The following CHD1 variants were observed in gnomAD, a reference collection of about 807,000 sequenced individuals.
CHD1 encodes chromodomain helicase DNA binding protein 1, also known as ATP-dependent chromatin remodeler CHD1.
CHD1 carries 36 observed loss-of-function variants against 224.2 expected under a neutral mutation model. That is an observed-to-expected ratio of 0.16 (90% CI 0.12 to 0.21). The LOEUF is 0.21. Among genes scored for constraint, CHD1 ranks in the 10% least tolerant of loss-of-function variants. CHD1 has a pLI of 1.00. For synonymous variants in CHD1, 668 were observed against 658.3 expected, an observed-to-expected ratio of 1.01 and a Z score of -0.23; for missense variants, 1,378 against 1,994.8, an observed-to-expected ratio of 0.69 and a Z score of 5.89.
intron 2 of CHD1, 98 bp from the exon 3 acceptor site, chr5:98,905,196 A>G (rs1751964208): frequency 1.4e-6 from 2 of 1,379,410 alleles, no homozygotes; most frequent in African/African-American, 1.5e-5. Flanking sequence ...ATTTTACTTC[A>G]TACTTAATAT....
chr5:98,882,292 C>T (rs1317378496), intron 19 of CHD1, among the ~76,000 whole-genome samples, 169 bp from the exon 20 acceptor site: 1 of 151,814 alleles, frequency 6.6e-6, no homozygotes, highest in Non-Finnish European at 1.5e-5. Context: ...AGTTCCTCAA[C>T]TTAAGGGACT....
chr5:98,877,945 G>A (rs544723968), intron 23 of CHD1, among the ~76,000 whole-genome samples: 20 of 152,190 alleles, frequency 1.3e-4, no homozygotes, highest in South Asian at 1.2e-3. Context: ...GAAATCACAC[G>A]GCAACCTACA....
intron 2 of CHD1, among the ~76,000 whole-genome samples, chr5:98,923,418 AT>A (rs5869836): frequency 0.018 from 2,573 of 145,808 alleles, 29 homozygotes; most frequent in South Asian, 0.028. Context: ...GCAAGGTTTA[AT>A]TTTTTTTTTT....
intron 5 of CHD1, among the ~76,000 whole-genome samples, chr5:98,902,647 C>T (rs1298504533): frequency 2.0e-5 from 3 of 151,972 alleles, no homozygotes; most frequent in Non-Finnish European, 4.4e-5. Flanking sequence ...CTAGGGAGAT[C>T]ATTAAAGTTT....
At chr5:98,873,874 A>G (rs543421044) in intron 25 of CHD1, 151 bp from the exon 26 acceptor site, 249 of 569,604 alleles carry the variant, frequency 4.4e-4, no homozygotes, top group Middle Eastern at 2.5e-3. Flanking sequence ...ACACATAAAA[A>G]CCAGGACAAT....
At chr5:98,904,610 T>C (rs1467383683) in intron 3 of CHD1, among the ~76,000 whole-genome samples, 2 of 152,212 alleles carry the variant, frequency 1.3e-5, no homozygotes, top group Non-Finnish European at 2.9e-5. Flanking sequence ...TTTGTATCTA[T>C]GACACAATGG....
intron 26 of CHD1, 97 bp from the exon 27 acceptor site, chr5:98,872,652 A>G (rs747844911): frequency 2.6e-5 from 26 of 989,922 alleles, no homozygotes; most frequent in Middle Eastern, 2.4e-4. Flanking sequence ...TTATTTAACA[A>G]TAAGTATTCC....
chr5:98,929,003 G>GAGGC lies in CHD1; in HGVS notation c.-617_-614dup, dbSNP rs1040240231. ...CTCACTCCCCTTCCCGACAGAGCGC[G>GAGGC]AGGCGGGCGGGCGCGCGCACGCCGA... On this transcript the variant is annotated 5_prime_UTR_variant, in exon 1 of 36. Transcript: ENST00000614616. 6 of 152,152 alleles carry GAGGC rather than the reference G, an allele frequency of 3.9e-5. No individual in the cohort carries two copies. Among genetic ancestry groups the GAGGC allele is most frequent in the African/African-American group, 1.4e-4 (6 of 41,416 alleles). 9.4% of individuals were successfully genotyped at this position (152,152 alleles called of 1,614,324 possible). A position where few individuals can be genotyped will look rare whatever the true frequency, so the allele number is the denominator to read the frequency against.
At chr5:98,883,929 C>G (rs1240988906) in intron 18 of CHD1, 1 of 155,436 alleles carries the variant, frequency 6.4e-6, no homozygotes, top group East Asian at 1.8e-4. Flanking sequence ...GCAACCTCCA[C>G]CTCCTAGGTT....
At chr5:98,877,304 GAA>G (rs1243999975) in intron 23 of CHD1, among the ~76,000 whole-genome samples, 2 of 152,278 alleles carry the variant, frequency 1.3e-5, no homozygotes, top group East Asian at 3.9e-4. Flanking sequence ...TCAAAAAGAA[GAA>G]AAAGTTCCAA....
chr5:98,859,742 T>C (rs112954565), intron 33 of CHD1, among the ~76,000 whole-genome samples: 2 of 152,142 alleles, frequency 1.3e-5, no homozygotes, highest in African/African-American at 4.8e-5. Flanking sequence ...TTTCCCTTTA[T>C]AACTAATAAA....
intron 32 of CHD1, among the ~76,000 whole-genome samples, chr5:98,863,064 A>G (rs2112463267): frequency 6.6e-6 from 1 of 152,262 alleles, no homozygotes; most frequent in East Asian, 1.9e-4. Flanking sequence ...TTCAAGCAAC[A>G]ATAAACTTTG....
intron 21 of CHD1, 44 bp from the exon 22 acceptor site, chr5:98,881,215 A>T: frequency 7.0e-7 from 1 of 1,425,262 alleles, no homozygotes; most frequent in Non-Finnish European, 9.6e-7. Flanking sequence ...GAATCCTTTC[A>T]TCCTGTCAAA....
rs749403186 is a variant in CHD1 at position 98,899,659 on chromosome 5, G to A, written c.906C>T (p.Asp302=). Residue 302 remains aspartate (D), a synonymous_variant, in exon 8 of 36, where the codon GAC becomes GAT. Transcript: ENST00000614616. ...TGTTTTTTTCAAAGCCTGCATTTGG[G>A]TCACCATCTGCTTCAACTGCATAGA... ...TTIYAVEADG[D]PNAGFEKNKE... 1.4e-5 allele frequency: 22 copies of A among 1,613,492 alleles called. No individual in the cohort carries two copies. Among genetic ancestry groups the A allele is most frequent in the Admixed American group, 1.0e-4 (6 of 59,948 alleles).
chr5:98,917,940 C>T (rs1561546671), intron 2 of CHD1, among the ~76,000 whole-genome samples: 1 of 152,214 alleles, frequency 6.6e-6, no homozygotes. Flanking sequence ...CCTGGAATCT[C>T]TCCCTAAAAC....
chr5:98,900,049 G>A (rs1471012380), intron 7 of CHD1, among the ~76,000 whole-genome samples: 13 of 152,056 alleles, frequency 8.5e-5, no homozygotes, highest in Admixed American at 3.9e-4. Flanking sequence ...TTGGGAGGCC[G>A]AGGCGGGCGG....
chr5:98,894,406 T>C (rs1751218775), intron 13 of CHD1, among the ~76,000 whole-genome samples, 191 bp downstream of exon 13: 1 of 152,192 alleles, frequency 6.6e-6, no homozygotes, highest in Non-Finnish European at 1.5e-5. Flanking sequence ...ATATTCTTTC[T>C]AAGACCCTTT....
chr5:98,895,116 C>G lies in CHD1; in HGVS notation c.1711-430G>C, dbSNP rs141517861. 2.5e-3 allele frequency among the ~76,000 whole-genome samples: 385 copies of G among 152,096 alleles called. 2 individuals are homozygous for G. The highest frequency in any genetic ancestry group is 8.7e-3 in the African/African-American group (360 of 41,502). ...GATTACAGGCATGAGCCGGCATGCC[C>G]GGCCAGAGTTATTCTTTATATAGTC... On this transcript the variant is annotated intron_variant, in intron 12 of 35. Coordinates refer to ENST00000614616, the MANE Select transcript of CHD1 (RefSeq NM_001270.4).
chr5:98,926,269 A>G (rs1426819307), intron 2 of CHD1, 65 bp downstream of exon 2: 1 of 983,698 alleles, frequency 1.0e-6, no homozygotes, highest in South Asian at 1.6e-5. Context: ...CAATAACAAT[A>G]AAGAAAAAAG....
Sources: gnomAD v4.1 joint callset for allele counts (sites outside exome capture counted in the v4.1 genomes callset) on GRCh38, gnomAD v4.1.1 for gene constraint, MANE v1.5 for transcripts, NCBI Gene and HGNC (gene_info 2026-07-23, HGNC 2026-07-21) for gene names.